GABRB1: variants seen among roughly 807,000 people sequenced by gnomAD.
The protein encoded by GABRB1 is gamma-aminobutyric acid receptor subunit beta-1.
A neutral mutation model predicts 51.6 loss-of-function variants in GABRB1; 17 were observed. The ratio of observed to expected loss-of-function variants is 0.33; its 90% CI spans 0.23 to 0.49. The LOEUF is 0.49. Among genes scored for constraint, GABRB1 ranks in the 20% least tolerant of loss-of-function variants. The pLI is 0.99. For missense variants in GABRB1, 410 were observed against 600.6 expected (o/e 0.68, Z 3.32); for synonymous variants, 247 against 218.9 (o/e 1.13, Z -1.14).
chr4:47,123,905 T>G (rs184772633), intron 3 of GABRB1, among the ~76,000 whole-genome samples: 2 of 55,650 alleles, frequency 3.6e-5, no homozygotes, highest in African/African-American at 4.8e-5. Context: ...TATAATATAT[T>G]ATATATTAAT....
intron 4 of GABRB1, among the ~76,000 whole-genome samples, chr4:47,234,084 AT>A (rs1460729414): frequency 6.6e-6 from 1 of 152,190 alleles, no homozygotes; most frequent in Non-Finnish European, 1.5e-5. Context: ...AGGGTGATGA[AT>A]TATTTTAAAT....
chr4:47,282,135 G>T (rs571496489), intron 4 of GABRB1, among the ~76,000 whole-genome samples: 1 of 151,512 alleles, frequency 6.6e-6, no homozygotes, highest in South Asian at 2.1e-4. Context: ...TCAAAACATC[G>T]CCTTGTACCC....
rs543683066 is a variant in GABRB1 at position 47,180,610 on chromosome 4, C to T, written c.461+19141C>T. Among the ~76,000 whole-genome samples the T allele has an allele frequency of 3.0e-4, 45 of 152,114 alleles. No homozygotes were observed. The South Asian group carries it at 8.7e-3, about 29-fold the overall frequency. On this transcript the variant is annotated intron_variant, in intron 4 of 8. Coordinates refer to ENST00000295454, the MANE Select transcript of GABRB1 (RefSeq NM_000812.4). ...ATAAATTTGTTACCAAATTTCTTTACATTTTAAAATATTTATCTCATTTTG... is the reference window on the plus strand; with the variant it reads ...ATAAATTTGTTACCAAATTTCTTTATATTTTAAAATATTTATCTCATTTTG...
chr4:47,169,736 A>T (rs541819067), intron 4 of GABRB1, among the ~76,000 whole-genome samples: 2 of 152,214 alleles, frequency 1.3e-5, no homozygotes, highest in South Asian at 2.1e-4. Flanking sequence ...TCTTAATCTC[A>T]GGTGATCCCC....
chr4:47,334,652 C>T (rs1449060147), intron 5 of GABRB1, among the ~76,000 whole-genome samples: 1 of 152,074 alleles, frequency 6.6e-6, no homozygotes, highest in Non-Finnish European at 1.5e-5. Context: ...ACTCTGTGTC[C>T]AGAAACTAGA....
chr4:47,305,766 G>T (rs1431913122), intron 4 of GABRB1, among the ~76,000 whole-genome samples: 3 of 152,098 alleles, frequency 2.0e-5, no homozygotes, highest in African/African-American at 7.2e-5. Context: ...TACCAATTAG[G>T]TATAGAGTCA....
chr4:47,150,184 C>CA (rs1367935244), intron 3 of GABRB1, among the ~76,000 whole-genome samples: 3 of 4,272 alleles, frequency 7.0e-4, no homozygotes, highest in African/African-American at 3.0e-3. Flanking sequence ...ACACACACAA[C>CA]ACACACACAC....
chr4:47,132,391 G>A, intron 3 of GABRB1, among the ~76,000 whole-genome samples: 1 of 127,646 alleles, frequency 7.8e-6, no homozygotes, highest in Non-Finnish European at 1.6e-5. Context: ...GTTTTGGTTT[G>A]TTTTGGTTTG....
intron 4 of GABRB1, among the ~76,000 whole-genome samples, chr4:47,289,620 G>A (rs1176297254): frequency 2.0e-5 from 3 of 152,168 alleles, no homozygotes; most frequent in African/African-American, 7.2e-5. Flanking sequence ...AAGGAGCATG[G>A]TCTTCCAATT....
At chr4:47,199,706 G>C (rs184554315) in intron 4 of GABRB1, among the ~76,000 whole-genome samples, 1 of 152,220 alleles carries the variant, frequency 6.6e-6, no homozygotes, top group Admixed American at 6.6e-5. Context: ...GCGAGCATGT[G>C]CAAGTTCTCT....
chr4:47,019,631 CTTTCTTTCTTTCTTTCTT>C (rs1724856527), intron 1 of GABRB1, among the ~76,000 whole-genome samples: 10 of 118,600 alleles, frequency 8.4e-5, no homozygotes, highest in African/African-American at 3.0e-4. Flanking sequence ...CTCTCTCTTT[CTTTCTTTCTTTCTTTCTT>C]TCTTTCTTTC....
intron 4 of GABRB1, among the ~76,000 whole-genome samples, chr4:47,173,801 A>G (rs1040587035): frequency 4.6e-5 from 7 of 151,978 alleles, no homozygotes; most frequent in Admixed American, 6.6e-5. Context: ...CTAAAGTGCA[A>G]TTTCATCACA....
chr4:47,352,374 C>G (rs1726383344), intron 5 of GABRB1, among the ~76,000 whole-genome samples: 3 of 152,144 alleles, frequency 2.0e-5, no homozygotes, highest in Non-Finnish European at 2.9e-5. Flanking sequence ...TGAAACTATT[C>G]CAATCAATAG....
chr4:47,080,968 C>A lies in GABRB1; in HGVS notation c.240+48484C>A, dbSNP rs1160764886. 2.0e-5 allele frequency among the ~76,000 whole-genome samples: 3 copies of A among 152,128 alleles called. No individual in the cohort carries two copies. In the East Asian group the frequency reaches 5.8e-4, roughly 29 times the overall value. On this transcript the variant is annotated intron_variant, in intron 3 of 8. Transcript: ENST00000295454. ...TGTGAAAACTACTCAATATGCAAGGCCAGTGAATCAGGTGGAGAGATCTTT... is the reference window on the plus strand; with the variant it reads ...TGTGAAAACTACTCAATATGCAAGGACAGTGAATCAGGTGGAGAGATCTTT...
At chr4:47,330,203 T>C (rs1725428182) in intron 5 of GABRB1, among the ~76,000 whole-genome samples, 1 of 152,184 alleles carries the variant, frequency 6.6e-6, no homozygotes, top group Non-Finnish European at 1.5e-5. Flanking sequence ...TGGATGACGC[T>C]CACCCACGTT....
chr4:47,366,351 A>G (rs1726982169), intron 5 of GABRB1, among the ~76,000 whole-genome samples: 1 of 152,220 alleles, frequency 6.6e-6, no homozygotes, highest in Non-Finnish European at 1.5e-5. Flanking sequence ...AAATTACAAC[A>G]TAAGCATGAA....
chr4:47,328,321 A>T (rs993695773), intron 5 of GABRB1, among the ~76,000 whole-genome samples: 29 of 152,082 alleles, frequency 1.9e-4, no homozygotes, highest in African/African-American at 6.5e-4. Context: ...GTTTAATGAG[A>T]TCCCATTTGT....
intron 4 of GABRB1, among the ~76,000 whole-genome samples, chr4:47,266,722 C>T (rs1722656528): frequency 6.6e-6 from 1 of 151,988 alleles, no homozygotes; most frequent in Admixed American, 6.6e-5. Context: ...GAGAATGTTC[C>T]ATGCACAGAG....
At chr4:47,322,147 C>A (rs1318371515) in intron 5 of GABRB1, among the ~76,000 whole-genome samples, 1 of 152,068 alleles carries the variant, frequency 6.6e-6, no homozygotes, top group Non-Finnish European at 1.5e-5. Context: ...GAAGCCCAGG[C>A]ACCCAGATAG....
Sources: gnomAD v4.1 joint callset for allele counts (sites outside exome capture counted in the v4.1 genomes callset) on GRCh38, gnomAD v4.1.1 for gene constraint, MANE v1.5 for transcripts, NCBI Gene and HGNC (gene_info 2026-07-23, HGNC 2026-07-21) for gene names.